Variants in MAPK10 observed in about 807,000 individuals in gnomAD.
MAPK10 encodes the protein JNK3 alpha protein kinase.
Under a neutral mutation model 59.3 loss-of-function variants are expected in MAPK10, and 25 were observed. The observed-to-expected ratio is 0.42, with a 90% CI of 0.31 to 0.59. The LOEUF (loss-of-function observed/expected upper bound fraction) is 0.59, where lower values mean the gene tolerates loss of function less well. Ranked by LOEUF, MAPK10 falls within the 20% of genes least tolerant of loss-of-function variation. The pLI, the probability that MAPK10 is intolerant of heterozygous loss-of-function variation, is 0.15. For synonymous variants in MAPK10, 190 were observed against 200.5 expected (o/e 0.95, Z 0.44); for missense variants, 351 against 568.9 (o/e 0.62, Z 3.90).
At chr4:86,116,442 C>T (rs149930613) in intron 4 of MAPK10, among the ~76,000 whole-genome samples, 1 of 152,306 alleles carries the variant, frequency 6.6e-6, no homozygotes, top group East Asian at 1.9e-4. Flanking sequence ...CTGACTGTTA[C>T]ATCTTTCATA....
intron 1 of MAPK10, among the ~76,000 whole-genome samples, chr4:86,395,010 T>A (rs1246908444): frequency 1.3e-5 from 2 of 152,184 alleles, no homozygotes; most frequent in African/African-American, 2.4e-5. Context: ...AAAAGGCATG[T>A]AAATCTTCCA....
At chr4:86,226,095 C>A (rs1359055474) in intron 2 of MAPK10, among the ~76,000 whole-genome samples, 2 of 152,228 alleles carry the variant, frequency 1.3e-5, no homozygotes, top group African/African-American at 4.8e-5. Context: ...TACTGAGTTT[C>A]ATTTTTAAAA....
intron 1 of MAPK10, among the ~76,000 whole-genome samples, chr4:86,387,594 C>T (rs937920980): frequency 6.6e-6 from 1 of 152,166 alleles, no homozygotes; most frequent in Non-Finnish European, 1.5e-5. Flanking sequence ...CGCTGCCTCA[C>T]CGCACCTCTA....
chr4:86,315,403 T>G (rs1403247975), intron 2 of MAPK10, among the ~76,000 whole-genome samples: 1 of 151,850 alleles, frequency 6.6e-6, no homozygotes, highest in Non-Finnish European at 1.5e-5. Flanking sequence ...ACTAAAAGAG[T>G]TATTGGATCA....
intron 11 of MAPK10, among the ~76,000 whole-genome samples, chr4:86,041,651 T>C (rs2041548457): frequency 6.6e-6 from 1 of 152,076 alleles, no homozygotes; most frequent in Non-Finnish European, 1.5e-5. Context: ...CATCAAAAAG[T>C]GGGCGAAGGA....
At chr4:86,261,466 G>A (rs2093977837) in intron 2 of MAPK10, among the ~76,000 whole-genome samples, 1 of 152,148 alleles carries the variant, frequency 6.6e-6, no homozygotes, top group Admixed American at 6.5e-5. Context: ...GAAGCATAAT[G>A]TGTGTGGGTA....
intron 10 of MAPK10, 56 bp from the exon 11 acceptor site, chr4:86,064,446 T>C (rs2046336942): frequency 3.8e-6 from 6 of 1,571,770 alleles, no homozygotes; most frequent in Admixed American, 3.4e-5. Context: ...GTAAGGAAAT[T>C]TGTCAGAGAG....
chr4:86,491,616 C>G (rs927420682), intron 1 of MAPK10, among the ~76,000 whole-genome samples: 3 of 152,180 alleles, frequency 2.0e-5, no homozygotes, highest in African/African-American at 7.2e-5. Flanking sequence ...GGTCTCATCA[C>G]CTGGTAAGAA....
At chr4:86,071,403 C>T (rs950413069) in intron 9 of MAPK10, among the ~76,000 whole-genome samples, 31 of 124,820 alleles carry the variant, frequency 2.5e-4, no homozygotes, top group Admixed American at 1.9e-3. Context: ...TTAATTAGAT[C>T]CCATTTGTCA....
chr4:86,486,869 A>AGAC (rs1754035134), intron 1 of MAPK10, among the ~76,000 whole-genome samples: 1 of 152,232 alleles, frequency 6.6e-6, no homozygotes, highest in African/African-American at 2.4e-5. Flanking sequence ...AGGGGCAGAC[A>AGAC]GACACTATGT....
At chr4:86,072,932 CT>C (rs2048355419) in intron 9 of MAPK10, among the ~76,000 whole-genome samples, 1 of 60,546 alleles carries the variant, frequency 1.7e-5, no homozygotes, top group East Asian at 3.5e-4. Context: ...AGGATTCCCT[CT>C]TTTTCTATTG....
intron 1 of MAPK10, among the ~76,000 whole-genome samples, chr4:86,553,483 C>T (rs1020559771): frequency 6.6e-6 from 1 of 152,170 alleles, no homozygotes; most frequent in African/African-American, 2.4e-5. Flanking sequence ...TGCTTACTGA[C>T]ATGAAGCCAC....
intron 1 of MAPK10, among the ~76,000 whole-genome samples, chr4:86,506,942 T>C (rs1327726215): frequency 6.6e-6 from 1 of 152,112 alleles, no homozygotes; most frequent in Non-Finnish European, 1.5e-5. Context: ...TAATACAATA[T>C]ACATAAAAAT....
At chr4:86,156,412 G>A in intron 4 of MAPK10, among the ~76,000 whole-genome samples, 1 of 151,608 alleles carries the variant, frequency 6.6e-6, no homozygotes, top group East Asian at 1.9e-4. Context: ...TAAATATCCT[G>A]CCTAACATCA....
chr4:86,021,158 C>T (rs545508870), intron 13 of MAPK10, among the ~76,000 whole-genome samples: 1 of 152,294 alleles, frequency 6.6e-6, no homozygotes, highest in Middle Eastern at 3.4e-3. Flanking sequence ...GGTGCACTCA[C>T]AAACCTTGAG....
chr4:86,423,770 C>CATATATATATATATATATATATATAT (rs539111577), intron 1 of MAPK10, among the ~76,000 whole-genome samples: 17 of 91,586 alleles, frequency 1.9e-4, no homozygotes, highest in African/African-American at 6.6e-4. Context: ...GATATATATA[C>CATATATATATATATATATATATATAT]ATATATATAT....
In MAPK10 at chr4:86,173,365, T is replaced by A. The variant is rs571650668; in HGVS notation, c.67-13898A>T. On this transcript the variant is annotated intron_variant, in intron 3 of 13. Coordinates refer to ENST00000641462, the MANE Select transcript of MAPK10 (RefSeq NM_138982.4). ...CAGCAAACCTGACAAAAATAAGCAA[T>A]GGGAAAAGGATTCTCTATTTAATAA... 4.6e-5 allele frequency among the ~76,000 whole-genome samples: 7 copies of A among 152,148 alleles called. No homozygotes were observed. In the South Asian group the frequency reaches 1.5e-3, roughly 32 times the overall value.
At chr4:86,018,896 G>A (rs771750312) in intron 13 of MAPK10, among the ~76,000 whole-genome samples, 2 of 152,126 alleles carry the variant, frequency 1.3e-5, no homozygotes, top group Non-Finnish European at 2.9e-5. Flanking sequence ...TAATAAATCA[G>A]AAAGACAAAA....
intron 3 of MAPK10, among the ~76,000 whole-genome samples, chr4:86,188,531 T>C (rs2078839756): frequency 6.6e-6 from 1 of 152,244 alleles, no homozygotes; most frequent in African/African-American, 2.4e-5. Context: ...GTTTGTTGTC[T>C]GCATAAATGT....
Sources: allele counts gnomAD v4.1 joint callset (sites outside exome capture counted in the v4.1 genomes callset), GRCh38; gene constraint gnomAD v4.1.1; transcripts MANE v1.5; gene names NCBI Gene and HGNC (gene_info 2026-07-23, HGNC 2026-07-21).